The following NDST3 variants were observed in gnomAD, a reference collection of about 807,000 sequenced individuals.
NDST3 encodes N-deacetylase and N-sulfotransferase 3.
Under a neutral mutation model 96.1 loss-of-function variants are expected in NDST3, and 58 were observed. The observed-to-expected ratio is 0.60, with a 90% CI of 0.49 to 0.75. The LOEUF (loss-of-function observed/expected upper bound fraction) is 0.75. Ranked by LOEUF, NDST3 falls within the 30% of genes least tolerant of loss-of-function variation. NDST3 has a pLI of 0.00. For missense variants in NDST3, 788 were observed against 1,034.2 expected, an observed-to-expected ratio of 0.76 and a Z score of 3.27; for synonymous variants, 333 against 359.7, an observed-to-expected ratio of 0.93 and a Z score of 0.84.
chr4:118,127,981 T>C (rs1167115400), intron 4 of NDST3, among the ~76,000 whole-genome samples: 2 of 152,034 alleles, frequency 1.3e-5, no homozygotes, highest in African/African-American at 4.8e-5. Context: ...ACTTGTTTTT[T>C]ACATTGTTCA....
chr4:118,182,114 G>A (rs1256009310), intron 6 of NDST3, among the ~76,000 whole-genome samples: 1 of 152,088 alleles, frequency 6.6e-6, no homozygotes, highest in African/African-American at 2.4e-5. Flanking sequence ...TACACATGGG[G>A]TTCAAGCCAC....
intron 2 of NDST3, among the ~76,000 whole-genome samples, chr4:118,094,710 T>C (rs936567499): frequency 6.6e-6 from 1 of 151,896 alleles, no homozygotes; most frequent in Non-Finnish European, 1.5e-5. Context: ...GGGAGCCTAC[T>C]ACATGCCAAG....
At chr4:118,118,242 T>C (rs920638181) in intron 4 of NDST3, among the ~76,000 whole-genome samples, 1 of 152,154 alleles carries the variant, frequency 6.6e-6, no homozygotes, top group Non-Finnish European at 1.5e-5. Flanking sequence ...TTAAAATGAG[T>C]GTTGGTATTT....
At chr4:118,157,157 A>G (rs6857041) in intron 6 of NDST3, among the ~76,000 whole-genome samples, 146,411 of 152,222 alleles carry the variant, frequency 0.96, 70,506 homozygotes, top group Admixed American at 0.98. Context: ...TTGATGTGCT[A>G]TGATTTCCAC....
chr4:118,101,395 G>A (rs1276194774), intron 2 of NDST3, among the ~76,000 whole-genome samples: 4 of 151,172 alleles, frequency 2.6e-5, no homozygotes, highest in African/African-American at 9.7e-5. Context: ...AAGTTAGTGG[G>A]GTAGCATACA....
At chr4:118,069,796 GGA>G (rs1726899211) in intron 2 of NDST3, among the ~76,000 whole-genome samples, 2 of 103,676 alleles carry the variant, frequency 1.9e-5, no homozygotes, top group South Asian at 1.0e-3. Flanking sequence ...GTTTTCCATT[GGA>G]GTGTTTGTTT....
At chr4:118,153,823 A>G (rs982161565) in intron 6 of NDST3, among the ~76,000 whole-genome samples, 3 of 152,068 alleles carry the variant, frequency 2.0e-5, no homozygotes, top group African/African-American at 7.2e-5. Flanking sequence ...GACTCCATCT[A>G]AAATAATAAT....
At position 118,066,929 on chromosome 4, in the gene NDST3, T is replaced by A. The variant is rs1289868744; in HGVS notation, c.981+12038T>A. On this transcript the variant is annotated intron_variant, in intron 2 of 13. Coordinates refer to ENST00000296499, the MANE Select transcript of NDST3 (RefSeq NM_004784.3). ...AACATGTTATATATTATATATACATTATATATAACATGTTATATATTATAT... is the reference window on the plus strand; with the variant it reads ...AACATGTTATATATTATATATACATAATATATAACATGTTATATATTATAT... 2.5e-5 allele frequency among the ~76,000 whole-genome samples: 3 copies of A among 120,492 alleles called. 1 individual carries two copies. Among genetic ancestry groups the A allele is most frequent in the African/African-American group, 9.1e-5 (3 of 33,112 alleles). 79.0% of individuals were successfully genotyped at this position (120,492 alleles called of 152,430 possible).
At chr4:118,213,245 G>A (rs1738923843) in intron 6 of NDST3, among the ~76,000 whole-genome samples, 1 of 152,144 alleles carries the variant, frequency 6.6e-6, no homozygotes, top group South Asian at 2.1e-4. Flanking sequence ...CCAGTAGACT[G>A]CTCTTCCTTT....
chr4:118,132,331 C>G (rs1732702209), intron 4 of NDST3, among the ~76,000 whole-genome samples: 1 of 152,176 alleles, frequency 6.6e-6, no homozygotes, highest in Non-Finnish European at 1.5e-5. Flanking sequence ...AAGAGCCTCT[C>G]CCTCTGAGCA....
intron 1 of NDST3, among the ~76,000 whole-genome samples, chr4:118,036,643 G>A (rs138727449): frequency 1.3e-5 from 2 of 152,214 alleles, no homozygotes; most frequent in Non-Finnish European, 2.9e-5. Context: ...TCGTAAAGGG[G>A]TGATTTTAAT....
intron 10 of NDST3, among the ~76,000 whole-genome samples, chr4:118,238,001 C>T (rs1391244152): frequency 6.6e-6 from 1 of 151,738 alleles, no homozygotes; most frequent in Non-Finnish European, 1.5e-5. Context: ...TGGTGGCACA[C>T]ATATGTGGTC....
At chr4:118,227,390 G>A (rs1327034352) in intron 8 of NDST3, among the ~76,000 whole-genome samples, 1 of 151,910 alleles carries the variant, frequency 6.6e-6, no homozygotes, top group East Asian at 1.9e-4. Context: ...TAGTCCCTTA[G>A]GCTGCCATTT....
At chr4:118,238,405 AT>A (rs1740821507) in intron 10 of NDST3, among the ~76,000 whole-genome samples, 1 of 152,312 alleles carries the variant, frequency 6.6e-6, no homozygotes, top group African/African-American at 2.4e-5. Context: ...TACACTTTTA[AT>A]AAATCATTGC....
At chr4:118,064,542 A>T (rs1408753167) in intron 2 of NDST3, among the ~76,000 whole-genome samples, 2 of 152,140 alleles carry the variant, frequency 1.3e-5, no homozygotes, top group African/African-American at 4.8e-5. Flanking sequence ...TGAAATTTTT[A>T]AAATTAAAAT....
chr4:118,228,741 T>TC (rs1553947156), intron 8 of NDST3, among the ~76,000 whole-genome samples: 2 of 151,626 alleles, frequency 1.3e-5, no homozygotes, highest in Non-Finnish European at 3.0e-5. Flanking sequence ...TTGCAGTCTA[T>TC]CCCCCCCGAT....
intron 6 of NDST3, among the ~76,000 whole-genome samples, chr4:118,182,132 T>C (rs187975247): frequency 1.1e-4 from 17 of 152,266 alleles, no homozygotes; most frequent in Admixed American, 1.1e-3. Context: ...CACATTTTTG[T>C]CTGGCCATAT....
At chr4:118,248,012 C>T (rs749653280) in intron 12 of NDST3, among the ~76,000 whole-genome samples, 21 of 152,208 alleles carry the variant, frequency 1.4e-4, no homozygotes, top group Non-Finnish European at 2.4e-4. Flanking sequence ...ATGTTTTGTA[C>T]GATTAACCCG....
intron 12 of NDST3, among the ~76,000 whole-genome samples, chr4:118,250,441 TC>T (rs1343827620): frequency 6.6e-6 from 1 of 152,210 alleles, no homozygotes; most frequent in East Asian, 1.9e-4. Flanking sequence ...TTTCATTTGT[TC>T]ATTGACCATT....
Sources: allele counts gnomAD v4.1 joint callset (sites outside exome capture counted in the v4.1 genomes callset), GRCh38; gene constraint gnomAD v4.1.1; transcripts MANE v1.5; gene names NCBI Gene and HGNC (gene_info 2026-07-23, HGNC 2026-07-21).